Variants in XYLB observed in about 807,000 individuals in gnomAD.
XYLB encodes xylulose kinase.
In XYLB, 62 loss-of-function variants were observed where a neutral mutation model predicts 78.7. The ratio of observed to expected loss-of-function variants is 0.79; its 90% confidence interval spans 0.64 to 0.97. The LOEUF (loss-of-function observed/expected upper bound fraction) is 0.97, where lower values mean the gene tolerates loss of function less well. XYLB is among the 50% of genes least tolerant of loss of function. The pLI is 0.00. For missense variants in XYLB, 687 were observed against 676.8 expected, an observed-to-expected ratio of 1.02 and a Z score of -0.17; for synonymous variants, 245 against 247.4, an observed-to-expected ratio of 0.99 and a Z score of 0.09.
At chr3:38,405,821 C>T (rs1246384033) in intron 18 of XYLB, among the ~76,000 whole-genome samples, 1 of 152,228 alleles carries the variant, frequency 6.6e-6, no homozygotes, top group African/African-American at 2.4e-5. Flanking sequence ...AGGCGGCAGC[C>T]AGGCTGGGGG....
intron 15 of XYLB, among the ~76,000 whole-genome samples, chr3:38,394,456 C>T (rs1559607784): frequency 6.6e-6 from 1 of 152,136 alleles, no homozygotes; most frequent in Non-Finnish European, 1.5e-5. Context: ...AATAGATGGA[C>T]TATTGTCTGC....
At chr3:38,387,286 C>A (rs1461565742) in intron 15 of XYLB, among the ~76,000 whole-genome samples, 1 of 150,608 alleles carries the variant, frequency 6.6e-6, no homozygotes, top group African/African-American at 2.4e-5. Flanking sequence ...CTGCTGTTGT[C>A]CCATAGGACT....
chr3:38,374,628 C>A, intron 11 of XYLB, 126 bp downstream of exon 11: 1 of 1,164,958 alleles, frequency 8.6e-7, no homozygotes, highest in Non-Finnish European at 1.2e-6. Flanking sequence ...CCAGCAGGAT[C>A]TCTGCTACTT....
chr3:38,411,696 G>A (rs570477343), intron 18 of XYLB, among the ~76,000 whole-genome samples: 1 of 151,158 alleles, frequency 6.6e-6, no homozygotes, highest in South Asian at 2.1e-4. Flanking sequence ...TTGACCTTTG[G>A]TTAACTTTCT....
the XYLB span, among the ~76,000 whole-genome samples, chr3:38,439,683 A>G: frequency 6.6e-6 from 1 of 151,384 alleles, no homozygotes; most frequent in South Asian, 2.1e-4. Flanking sequence ...AATGGTGTGA[A>G]CCCAGGAGGT....
At chr3:38,411,444 T>C (rs1285157378) in intron 18 of XYLB, among the ~76,000 whole-genome samples, 1 of 151,938 alleles carries the variant, frequency 6.6e-6, no homozygotes, top group Non-Finnish European at 1.5e-5. Flanking sequence ...GACGAGTTAA[T>C]GAGTGCAGCA....
At chr3:38,405,740 C>CATGG (rs1708292435) in intron 18 of XYLB, among the ~76,000 whole-genome samples, 2 of 152,368 alleles carry the variant, frequency 1.3e-5, no homozygotes, top group Admixed American at 1.3e-4. Context: ...ATATCCCGCA[C>CATGG]CTGGCTCAGA....
At chr3:38,450,379 A>G in the XYLB span, among the ~76,000 whole-genome samples, 2 of 152,212 alleles carry the variant, frequency 1.3e-5, no homozygotes, top group Non-Finnish European at 2.9e-5. Flanking sequence ...ATAGTTTTCC[A>G]TCTTCTTCCA....
rs762677782 is a variant in XYLB at position 38,365,719 on chromosome 3, G to C, written c.490G>C (p.Gly164Arg). The C allele has an allele frequency of 6.2e-7, 1 of 1,613,416 alleles. No individual in the cohort carries two copies. The highest frequency in any genetic ancestry group is 8.5e-7 in the Non-Finnish European group (1 of 1,179,820). ...GGAQALSCLT[G>R]SRAYERFTGN... ...TGCTCAGGCTCTCAGCTGCCTCACG[G>C]GGTCCCGTGCCTATGAGGTAGGCTG... The change falls in exon 6 of 19, where the codon GGG becomes CGG. Residue 164 changes from glycine to arginine, a missense_variant. Gly to Arg is a moderately radical substitution (Grantham distance 125, BLOSUM62 -2). Coordinates refer to ENST00000207870, the MANE Select transcript of XYLB (RefSeq NM_005108.4).
chr3:38,444,963 A>G, the XYLB span, among the ~76,000 whole-genome samples: 1 of 152,146 alleles, frequency 6.6e-6, no homozygotes, highest in Non-Finnish European at 1.5e-5. Flanking sequence ...CACATTCTTG[A>G]AAACCTGCAC....
intron 18 of XYLB, among the ~76,000 whole-genome samples, chr3:38,406,268 GGCAAACAGGGTCTGGAGTGGACCGCTA>G (rs1708318061): frequency 6.6e-6 from 1 of 152,256 alleles, no homozygotes; most frequent in Non-Finnish European, 1.5e-5. Context: ...CTGATACCCA[GGCAAACAGGGTCTGGAGTGGACCGCTA>G]GCAAACTCCA....
At chr3:38,386,755 C>T (rs538377841) in intron 15 of XYLB, among the ~76,000 whole-genome samples, 15 of 152,172 alleles carry the variant, frequency 9.9e-5, no homozygotes, top group African/African-American at 2.9e-4. Flanking sequence ...GGATGTCTTC[C>T]GGGCTAAAGG....
At position 38,363,066 on chromosome 3, in the gene XYLB, G is replaced by A. The variant is rs1184828031; in HGVS notation, c.291+49G>A. 3 of 1,410,022 alleles carry A rather than the reference G, an allele frequency of 2.1e-6. No individual in the cohort carries two copies. The East Asian group carries it at 8.0e-5, about 37-fold the overall frequency. The allele number at this position is 1,410,022 out of a possible 1,614,324, so 87.3% of individuals were successfully genotyped here. On this transcript the variant is annotated intron_variant, in intron 4 of 18. Coordinates refer to ENST00000207870, the MANE Select transcript of XYLB (RefSeq NM_005108.4). ...TGCCATGTGAGGGTGACTGTCCTGGGCAATGGTGTGGGTGTTGAAGAGATG... is the reference window on the plus strand; with the variant it reads ...TGCCATGTGAGGGTGACTGTCCTGGACAATGGTGTGGGTGTTGAAGAGATG...
intron 2 of XYLB, among the ~76,000 whole-genome samples, chr3:38,351,956 G>A (rs1705388661): frequency 6.6e-6 from 1 of 152,104 alleles, no homozygotes; most frequent in African/African-American, 2.4e-5. Context: ...CTTTTCTGTT[G>A]TTATAAGCAA....
the XYLB span, among the ~76,000 whole-genome samples, chr3:38,442,720 ATTTT>A: frequency 1.0e-5 from 1 of 99,194 alleles, no homozygotes; most frequent in African/African-American, 4.0e-5. Flanking sequence ...GGACTGCTGC[ATTTT>A]TTTTTTTTTT....
chr3:38,408,414 T>C (rs1708423875), intron 18 of XYLB, among the ~76,000 whole-genome samples: 1 of 150,536 alleles, frequency 6.6e-6, no homozygotes. Context: ...TAGCACTAAA[T>C]GCCCACAAGA....
intron 15 of XYLB, among the ~76,000 whole-genome samples, chr3:38,393,685 A>G (rs1280073615): frequency 6.6e-6 from 1 of 152,166 alleles, no homozygotes; most frequent in Non-Finnish European, 1.5e-5. Flanking sequence ...CTTAGCTTGT[A>G]GATGGTCACC....
At chr3:38,419,578 T>TTATATATATATA (rs67869604), downstream of XYLB, among the ~76,000 whole-genome samples, 484 of 68,248 alleles carry the variant, frequency 7.1e-3, 19 homozygotes, top group African/African-American at 0.02. Flanking sequence ...TTATTTTTCT[T>TTATATATATATA]TATATATATA....
chr3:38,402,312 T>A (rs1414709947), intron 18 of XYLB, among the ~76,000 whole-genome samples: 1 of 152,176 alleles, frequency 6.6e-6, no homozygotes, highest in Non-Finnish European at 1.5e-5. Context: ...AGAGACACTA[T>A]CTTTATGTCT....
Sources: allele counts gnomAD v4.1 joint callset (sites outside exome capture counted in the v4.1 genomes callset), GRCh38; gene constraint gnomAD v4.1.1; transcripts MANE v1.5; gene names NCBI Gene and HGNC (gene_info 2026-07-23, HGNC 2026-07-21).